The following ALK variants were observed in gnomAD, a reference collection of about 807,000 sequenced individuals.
ALK encodes ALK tyrosine kinase receptor.
In ALK, 74 loss-of-function variants were observed where a neutral mutation model predicts 163.1. That is an observed-to-expected ratio of 0.45 (90% CI 0.38 to 0.55). ALK has a LOEUF of 0.55. ALK is among the 20% of genes least tolerant of loss of function. ALK has a pLI of 0.00. For missense variants in ALK, 2,063 were observed against 2,105.3 expected, an observed-to-expected ratio of 0.98 and a Z score of 0.39; for synonymous variants, 960 against 843.2, an observed-to-expected ratio of 1.14 and a Z score of -2.40.
intron 3 of ALK, among the ~76,000 whole-genome samples, chr2:29,693,404 C>T (rs1393611503): frequency 8.7e-6 from 1 of 115,032 alleles, no homozygotes; most frequent in Non-Finnish European, 1.8e-5. Flanking sequence ...AGAGCACTCA[C>T]CTACACACAC....
chr2:29,434,365 C>T lies in ALK; in HGVS notation c.1155-50506G>A, dbSNP rs76727023. Among the ~76,000 whole-genome samples the T allele has an allele frequency of 9.8e-3, 1,487 of 152,194 alleles. 9 individuals are homozygous for T. Among genetic ancestry groups the T allele is most frequent in the Non-Finnish European group, 0.015 (1,029 of 67,988 alleles). On this transcript the variant is annotated intron_variant, in intron 4 of 28. Coordinates refer to ENST00000389048, the MANE Select transcript of ALK (RefSeq NM_004304.5). ...AAAGATGAGAAAGTAGAATTAGTCC[C>T]GGGGCCCACTCCCACGCCTGCTTTG...
intron 1 of ALK, among the ~76,000 whole-genome samples, chr2:29,819,075 G>C (rs1664972453): frequency 6.6e-6 from 1 of 152,184 alleles, no homozygotes; most frequent in Admixed American, 6.5e-5. Flanking sequence ...TGAAAGTGTA[G>C]TTCCTGCCTC....
At chr2:29,523,673 G>A (rs190452635) in intron 4 of ALK, among the ~76,000 whole-genome samples, 86 of 152,084 alleles carry the variant, frequency 5.7e-4, no homozygotes, top group African/African-American at 2.0e-3. Flanking sequence ...ATCATTATGG[G>A]ATTGGCCAAG....
rs746089013 is a variant in ALK at position 29,920,299 on chromosome 2, G to T, written c.361C>A (p.Arg121=). 3 of 1,566,066 alleles carry T rather than the reference G, an allele frequency of 1.9e-6. No homozygotes were observed. The highest frequency in any genetic ancestry group is 8.6e-7 in the Non-Finnish European group (1 of 1,156,744). ...TAGSPAPAEA[R]TLSRVLKGGS... ...CCCTTCAGCACCCTGGACAGCGTCC[G>T]GGCCTCTGCCGGGGCTGGTGAACCG... Residue 121 remains arginine (R), a synonymous_variant, in exon 1 of 29, where the codon CGG becomes AGG. Coordinates refer to ENST00000389048, the MANE Select transcript of ALK (RefSeq NM_004304.5).
chr2:29,432,737 C>CT (rs796207262), intron 4 of ALK, among the ~76,000 whole-genome samples: 1,896 of 140,810 alleles, frequency 0.013, 37 homozygotes, highest in East Asian at 0.043. Flanking sequence ...TAGCCTTTTC[C>CT]TTTTTTTTTT....
intron 27 of ALK, 108 bp downstream of exon 27, chr2:29,197,434 G>A (rs1219397299): frequency 1.3e-6 from 2 of 1,528,244 alleles, no homozygotes; most frequent in African/African-American, 2.8e-5. Flanking sequence ...ATTAAAGGGA[G>A]GGCAGCCATC....
At chr2:29,209,021 G>A (rs558939401) in intron 25 of ALK, among the ~76,000 whole-genome samples, 2 of 152,154 alleles carry the variant, frequency 1.3e-5, no homozygotes, top group Non-Finnish European at 2.9e-5. Context: ...ACATCTCCTG[G>A]GGTGGCTAAA....
At chr2:29,379,654 T>G (rs539597440) in intron 5 of ALK, among the ~76,000 whole-genome samples, 1 of 152,236 alleles carries the variant, frequency 6.6e-6, no homozygotes, top group South Asian at 2.1e-4. Flanking sequence ...TATTATTTTC[T>G]GATGTGGGAG....
At chr2:29,367,882 C>A (rs1668545017) in intron 5 of ALK, among the ~76,000 whole-genome samples, 1 of 152,174 alleles carries the variant, frequency 6.6e-6, no homozygotes, top group African/African-American at 2.4e-5. Context: ...TCTCTGAAAT[C>A]ATCTGAAATA....
intron 8 of ALK, among the ~76,000 whole-genome samples, chr2:29,297,524 C>G (rs1399739151): frequency 6.6e-6 from 1 of 152,186 alleles, no homozygotes; most frequent in Non-Finnish European, 1.5e-5. Context: ...TCCCCAAAGA[C>G]TCTAATAATC....
chr2:29,624,237 C>G (rs1330311579), intron 3 of ALK, among the ~76,000 whole-genome samples: 2 of 152,152 alleles, frequency 1.3e-5, no homozygotes, highest in Non-Finnish European at 2.9e-5. Flanking sequence ...GTGAGGGAGG[C>G]CAGTGTTGCA....
intron 1 of ALK, among the ~76,000 whole-genome samples, chr2:29,761,117 G>A (rs1284848638): frequency 6.6e-6 from 1 of 152,188 alleles, no homozygotes; most frequent in Non-Finnish European, 1.5e-5. Context: ...TCCAGCAGCT[G>A]CAGGGTTGAC....
intron 3 of ALK, among the ~76,000 whole-genome samples, chr2:29,599,102 G>A (rs548500605): frequency 6.6e-6 from 1 of 151,714 alleles, no homozygotes; most frequent in Non-Finnish European, 1.5e-5. Flanking sequence ...GTTACCCTCT[G>A]AGGTAGCTTA....
intron 1 of ALK, among the ~76,000 whole-genome samples, chr2:29,807,947 C>T (rs1664661697): frequency 6.6e-6 from 1 of 152,208 alleles, no homozygotes; most frequent in Admixed American, 6.5e-5. Flanking sequence ...TTAGGTGCTG[C>T]TTCTCTGACA....
chr2:29,608,002 G>A (rs1275911980), intron 3 of ALK, among the ~76,000 whole-genome samples: 2 of 150,420 alleles, frequency 1.3e-5, no homozygotes, highest in Non-Finnish European at 1.5e-5. Context: ...AGGGGTATGT[G>A]TGCAAGTTTG....
intron 9 of ALK, among the ~76,000 whole-genome samples, chr2:29,278,135 A>G (rs572655330): frequency 1.6e-4 from 24 of 152,120 alleles, no homozygotes; most frequent in Non-Finnish European, 3.4e-4. Context: ...TTTTGAATGC[A>G]GGGAAGGGCT....
intron 1 of ALK, among the ~76,000 whole-genome samples, chr2:29,887,955 C>G (rs947349355): frequency 6.6e-6 from 1 of 152,170 alleles, no homozygotes; most frequent in African/African-American, 2.4e-5. Flanking sequence ...ACCAGGAAAA[C>G]CTTTGGCAGA....
chr2:29,519,581 C>A (rs1672759224), intron 4 of ALK, among the ~76,000 whole-genome samples: 1 of 152,206 alleles, frequency 6.6e-6, no homozygotes, highest in African/African-American at 2.4e-5. Context: ...CTGCTGCCAC[C>A]ACCTCCTGGA....
intron 5 of ALK, among the ~76,000 whole-genome samples, chr2:29,376,117 C>G (rs571861476): frequency 2.6e-4 from 39 of 151,770 alleles, no homozygotes; most frequent in African/African-American, 9.2e-4. Flanking sequence ...TTCCAACCCC[C>G]CATAAACTTC....
Sources: allele counts gnomAD v4.1 joint callset (sites outside exome capture counted in the v4.1 genomes callset), GRCh38; gene constraint gnomAD v4.1.1; transcripts MANE v1.5; gene names NCBI Gene and HGNC (gene_info 2026-07-23, HGNC 2026-07-21).